EXD2: variants seen among roughly 807,000 people sequenced by gnomAD.
The protein encoded by EXD2 is exonuclease 3'-5' domain containing 2.
EXD2 carries 40 observed loss-of-function variants against 62.5 expected under a neutral mutation model. The ratio of observed to expected loss-of-function variants is 0.64; its 90% CI spans 0.50 to 0.83. The LOEUF is 0.83. Ranked by LOEUF, EXD2 falls within the 40% of genes least tolerant of loss-of-function variation. The pLI, the probability that EXD2 is intolerant of heterozygous loss-of-function variation, is 0.00. For missense variants in EXD2, 671 were observed against 761.8 expected, an observed-to-expected ratio of 0.88 and a Z score of 1.40; for synonymous variants, 239 against 291.9, an observed-to-expected ratio of 0.82 and a Z score of 1.85.
chr14:69,193,720 A>G (rs956769952), intron 1 of EXD2, among the ~76,000 whole-genome samples: 3 of 152,124 alleles, frequency 2.0e-5, no homozygotes, highest in Non-Finnish European at 4.4e-5. Flanking sequence ...GTTTTAATTT[A>G]TCAGTCTGTT....
chr14:69,223,285 C>T (rs899815732), intron 3 of EXD2, among the ~76,000 whole-genome samples: 3 of 152,050 alleles, frequency 2.0e-5, no homozygotes, highest in Admixed American at 6.5e-5. Flanking sequence ...TGACATCTCT[C>T]CTTGAATGTC....
chr14:69,233,346 G>A (rs1025980558), intron 5 of EXD2, among the ~76,000 whole-genome samples: 1 of 151,186 alleles, frequency 6.6e-6, no homozygotes, highest in African/African-American at 2.4e-5. Context: ...GAATTTTAAA[G>A]TCCTTACACT....
chr14:69,196,792 ATT>A lies in EXD2; in HGVS notation c.-132+5214_-132+5215del, dbSNP rs35991332. On this transcript the variant is annotated intron_variant, in intron 1 of 9. Coordinates refer to ENST00000685843, the MANE Select transcript of EXD2 (RefSeq NM_001193360.2). ...GCACACTACCACTCCTGGCCAATTA[ATT>A]TTTTTTTTTTTTGAGGCAGGGTCTC... 6.9e-3 allele frequency among the ~76,000 whole-genome samples: 1,008 copies of A among 146,026 alleles called. 6 individuals carry two copies. The highest frequency in any genetic ancestry group is 0.021 in the African/African-American group (857 of 39,932).
At chr14:69,205,215 T>C (rs57103818) in intron 2 of EXD2, among the ~76,000 whole-genome samples, 1,545 of 152,280 alleles carry the variant, frequency 0.01, 29 homozygotes, top group African/African-American at 0.035. Flanking sequence ...ATTCTTTCTG[T>C]TTTAAAATTT....
At chr14:69,207,924 G>A (rs2042662862) in intron 2 of EXD2, among the ~76,000 whole-genome samples, 2 of 149,870 alleles carry the variant, frequency 1.3e-5, no homozygotes, top group South Asian at 4.2e-4. Flanking sequence ...TTGAGACAGA[G>A]TCTTACTCTT....
At chr14:69,201,425 G>T (rs1255043253) in intron 1 of EXD2, among the ~76,000 whole-genome samples, 2 of 151,990 alleles carry the variant, frequency 1.3e-5, no homozygotes, top group Non-Finnish European at 2.9e-5. Flanking sequence ...CTGATCTCAG[G>T]TGATCCTCCC....
intron 9 of EXD2, 127 bp downstream of exon 9, chr14:69,238,058 G>T: frequency 1.3e-6 from 1 of 762,824 alleles, no homozygotes; most frequent in Non-Finnish European, 2.1e-6. Context: ...CACCTAGTAG[G>T]TGTCTAGTAG....
At chr14:69,221,083 G>T (rs1192779437) in intron 3 of EXD2, among the ~76,000 whole-genome samples, 1 of 152,060 alleles carries the variant, frequency 6.6e-6, no homozygotes, top group Non-Finnish European at 1.5e-5. Flanking sequence ...TGTCCAGGCT[G>T]GTGTCAAACT....
At chr14:69,217,853 T>C (rs2043038128) in intron 3 of EXD2, among the ~76,000 whole-genome samples, 1 of 152,220 alleles carries the variant, frequency 6.6e-6, no homozygotes, top group African/African-American at 2.4e-5. Flanking sequence ...TCTATGTCCC[T>C]ACAAAGGACA....
intron 1 of EXD2, 112 bp from the exon 2 acceptor site, chr14:69,203,805 T>G (rs2042492458): frequency 6.6e-6 from 1 of 152,248 alleles, no homozygotes; most frequent in Non-Finnish European, 1.5e-5. Context: ...TTTGTAGTAA[T>G]AGCTAACATT....
At chr14:69,198,392 C>T (rs1292451520) in intron 1 of EXD2, among the ~76,000 whole-genome samples, 1 of 152,194 alleles carries the variant, frequency 6.6e-6, no homozygotes, top group African/African-American at 2.4e-5. Context: ...GCTTTATGAG[C>T]TTCTAACAGG....
At chr14:69,238,623 AGTTTTGTGGTTTTTTT>A (rs1177478704) in intron 9 of EXD2, among the ~76,000 whole-genome samples, 81 of 137,340 alleles carry the variant, frequency 5.9e-4, no homozygotes, top group African/African-American at 2.0e-3. Context: ...TTTTCCAAAT[AGTTTTGTGGTTTTTTT>A]GTTTTGTTTT....
chr14:69,232,933 T>G (rs1026638717), intron 5 of EXD2, among the ~76,000 whole-genome samples: 3 of 152,224 alleles, frequency 2.0e-5, no homozygotes, highest in Admixed American at 6.5e-5. Context: ...TTTGGTGTCA[T>G]AGTCAAGAAA....
At chr14:69,210,774 C>T (rs1188453381) in intron 3 of EXD2, among the ~76,000 whole-genome samples, 2 of 151,940 alleles carry the variant, frequency 1.3e-5, no homozygotes, top group South Asian at 2.1e-4. Flanking sequence ...CACACCACTG[C>T]ACTTCAGCCT....
chr14:69,192,798 G>A (rs1182793316), intron 1 of EXD2, among the ~76,000 whole-genome samples: 3 of 152,128 alleles, frequency 2.0e-5, no homozygotes, highest in Admixed American at 6.5e-5. Context: ...TTCTTTGTCA[G>A]TACCTAGAGA....
chr14:69,223,075 T>A (rs2043238755), intron 3 of EXD2, among the ~76,000 whole-genome samples: 2 of 152,238 alleles, frequency 1.3e-5, no homozygotes, highest in Admixed American at 1.3e-4. Flanking sequence ...CGTAAGTTTT[T>A]AAATACGTGG....
chr14:69,192,366 G>A lies in EXD2; in HGVS notation c.-132+775G>A, dbSNP rs1439626348. Among the ~76,000 whole-genome samples, 3 of 152,332 alleles carry A rather than the reference G, an allele frequency of 2.0e-5. 1 individual carries two copies. Among genetic ancestry groups the A allele is most frequent in the Admixed American group, 2.0e-4 (3 of 15,302 alleles). The stretch of plus-strand genomic sequence containing the variant: ...TTTTGTTAATCATAGGAATTAGGAA[G>A]TGCGGGTTGGGGCGCAGCGGGGAAG... On this transcript the variant is annotated intron_variant, in intron 1 of 9. Coordinates refer to ENST00000685843, the MANE Select transcript of EXD2 (RefSeq NM_001193360.2).
chr14:69,209,910 T>A, intron 3 of EXD2, 107 bp downstream of exon 3: 1 of 922,466 alleles, frequency 1.1e-6, no homozygotes, highest in Non-Finnish European at 1.5e-6. Context: ...GAGAATGAAT[T>A]AGCTTGTTCT....
chr14:69,240,855 C>T (rs977305381), intron 9 of EXD2, 29 bp from the exon 10 acceptor site: 2 of 1,601,974 alleles, frequency 1.2e-6, no homozygotes, highest in African/African-American at 2.7e-5. Context: ...TTGTTTCCCT[C>T]AGACACTTTG....
Sources: gnomAD v4.1 joint callset for allele counts (sites outside exome capture counted in the v4.1 genomes callset) on GRCh38, gnomAD v4.1.1 for gene constraint, MANE v1.5 for transcripts, NCBI Gene and HGNC (gene_info 2026-07-23, HGNC 2026-07-21) for gene names.